CLASP1: variants seen among roughly 807,000 people sequenced by gnomAD.
CLASP1 encodes the protein CLIP-associating protein 1.
CLASP1 carries 38 observed loss-of-function variants against 192.3 expected under a neutral mutation model. That is an observed-to-expected ratio of 0.20 (90% CI 0.15 to 0.26). The LOEUF (loss-of-function observed/expected upper bound fraction) is 0.26. CLASP1 is among the 10% of genes least tolerant of loss of function. The pLI is 1.00. For synonymous variants in CLASP1, 691 were observed against 712.8 expected (o/e 0.97, Z 0.49); for missense variants, 1,433 against 1,932.5 (o/e 0.74, Z 4.85).
chr2:121,456,761 G>T (rs561299625), intron 14 of CLASP1, among the ~76,000 whole-genome samples: 6 of 152,214 alleles, frequency 3.9e-5, no homozygotes, highest in African/African-American at 1.4e-4. Flanking sequence ...AAGGTAAACG[G>T]CTGGCAAAGG....
chr2:121,433,948 T>C (rs1220911832), intron 19 of CLASP1, among the ~76,000 whole-genome samples: 1 of 152,220 alleles, frequency 6.6e-6, no homozygotes. Context: ...ATTATTTTTT[T>C]TTGCATCTCC....
chr2:121,562,967 A>G (rs2059216400), intron 2 of CLASP1, among the ~76,000 whole-genome samples: 1 of 152,168 alleles, frequency 6.6e-6, no homozygotes, highest in Admixed American at 6.5e-5. Context: ...ACACAGGCCA[A>G]GCTAATCACG....
chr2:121,455,819 G>T (rs1352071740), intron 14 of CLASP1, among the ~76,000 whole-genome samples: 1 of 152,190 alleles, frequency 6.6e-6, no homozygotes, highest in Non-Finnish European at 1.5e-5. Context: ...CCATGATTGT[G>T]CCACTGCACT....
At chr2:121,633,559 A>G (rs550647631) in intron 1 of CLASP1, among the ~76,000 whole-genome samples, 1 of 152,340 alleles carries the variant, frequency 6.6e-6, no homozygotes, top group Non-Finnish European at 1.5e-5. Context: ...AGTTTCAAAC[A>G]GCCTTTTTCT....
At chr2:121,592,798 G>A (rs1007956693) in intron 2 of CLASP1, among the ~76,000 whole-genome samples, 2 of 152,078 alleles carry the variant, frequency 1.3e-5, no homozygotes, top group Non-Finnish European at 2.9e-5. Flanking sequence ...GACTATAGGT[G>A]CCCGCCACCT....
intron 1 of CLASP1, among the ~76,000 whole-genome samples, chr2:121,644,912 C>T (rs960444861): frequency 6.7e-6 from 1 of 149,268 alleles, no homozygotes; most frequent in Admixed American, 6.7e-5. Flanking sequence ...GAGCCATGAC[C>T]ATGCCACTGC....
At chr2:121,385,133 T>A (rs2072914347) in intron 32 of CLASP1, among the ~76,000 whole-genome samples, 1 of 152,238 alleles carries the variant, frequency 6.6e-6, no homozygotes, top group African/African-American at 2.4e-5. Flanking sequence ...TCATTTCTTT[T>A]ATCATTTTCC....
chr2:121,548,150 C>G (rs1176216529), intron 2 of CLASP1, among the ~76,000 whole-genome samples: 1 of 152,022 alleles, frequency 6.6e-6, no homozygotes, highest in East Asian at 1.9e-4. Flanking sequence ...AAAACTCAAT[C>G]CAAGGAAAGT....
chr2:121,592,198 T>C (rs1359144989), intron 2 of CLASP1, among the ~76,000 whole-genome samples: 1 of 152,234 alleles, frequency 6.6e-6, no homozygotes, highest in Admixed American at 6.5e-5. Context: ...TGTTTTGCTT[T>C]TCTTCCCCTC....
chr2:121,540,358 T>C lies in CLASP1; in HGVS notation c.196-10033A>G, dbSNP rs554341124. 2.0e-5 allele frequency among the ~76,000 whole-genome samples: 3 copies of C among 152,042 alleles called. No homozygotes were observed. The East Asian group carries it at 5.8e-4, about 29-fold the overall frequency. ...TCTATGAAGTTCAAAAACAAGCAAA[T>C]AAAGTGGGCACGGTGGTGTCTACAG... On this transcript the variant is annotated intron_variant, in intron 2 of 39. Coordinates refer to ENST00000263710, the Ensembl canonical transcript of CLASP1.
chr2:121,403,927 A>G, intron 26 of CLASP1: 1 of 419,944 alleles, frequency 2.4e-6, no homozygotes. Context: ...TAAATCCATT[A>G]CATATTCTCA....
chr2:121,584,043 C>T (rs781005595), intron 2 of CLASP1, among the ~76,000 whole-genome samples: 5 of 152,068 alleles, frequency 3.3e-5, no homozygotes, highest in Non-Finnish European at 5.9e-5. Flanking sequence ...AAGACCAGGC[C>T]CTCACCACTC....
intron 1 of CLASP1, among the ~76,000 whole-genome samples, chr2:121,635,748 G>A (rs2070723047): frequency 6.6e-6 from 1 of 152,182 alleles, no homozygotes; most frequent in Admixed American, 6.5e-5. Context: ...TTTTTTGTTA[G>A]AAAAGTAATA....
intron 34 of CLASP1, among the ~76,000 whole-genome samples, chr2:121,373,076 GTCAAATTGCAA>G (rs2069096892): frequency 7.9e-5 from 12 of 152,198 alleles, no homozygotes; most frequent in Admixed American, 7.9e-4. Flanking sequence ...CAAATCTTAT[GTCAAATTGCAA>G]TTTCCAATGT....
chr2:121,646,578 C>T (rs6722038), intron 1 of CLASP1, among the ~76,000 whole-genome samples: 2,110 of 151,912 alleles, frequency 0.014, 50 homozygotes, highest in African/African-American at 0.048. Flanking sequence ...TTATATTTAC[C>T]AACAGTACTA....
chr2:121,427,396 T>A lies in CLASP1; in HGVS notation c.2044+8A>T, dbSNP rs773035092. On this transcript the variant is annotated splice_region_variant and intron_variant, in intron 21 of 39. Transcript: ENST00000263710. ...CAACAAAAAAAGGCAAGAAGAGAAA[T>A]GGCTTACCACCAGCAGGATTAGCAG... 2.9e-5 allele frequency: 46 copies of A among 1,612,210 alleles called. No homozygotes were observed. Among genetic ancestry groups the A allele is most frequent in the Non-Finnish European group, 1.7e-5 (20 of 1,179,346 alleles).
intron 7 of CLASP1, among the ~76,000 whole-genome samples, chr2:121,508,940 T>C (rs989791587): frequency 1.3e-5 from 2 of 152,140 alleles, no homozygotes; most frequent in East Asian, 3.8e-4. Context: ...CAGGGGATCA[T>C]AACAATTATA....
chr2:121,480,923 G>C (rs2092549222), intron 8 of CLASP1, among the ~76,000 whole-genome samples: 1 of 152,242 alleles, frequency 6.6e-6, no homozygotes, highest in South Asian at 2.1e-4. Flanking sequence ...CAAAGCAAAA[G>C]AAAGCAGAGT....
intron 2 of CLASP1, among the ~76,000 whole-genome samples, chr2:121,579,769 ACT>A (rs1298480475): frequency 1.3e-5 from 2 of 152,146 alleles, no homozygotes; most frequent in East Asian, 3.8e-4. Context: ...TTGCTAATAA[ACT>A]CTGAACATTT....
Sources: gnomAD v4.1 joint callset for allele counts (sites outside exome capture counted in the v4.1 genomes callset) on GRCh38, gnomAD v4.1.1 for gene constraint, MANE v1.5 for transcripts, NCBI Gene and HGNC (gene_info 2026-07-23, HGNC 2026-07-21) for gene names.